RNF123: variants seen among roughly 807,000 people sequenced by gnomAD.
The protein encoded by RNF123 is E3 ubiquitin-protein ligase RNF123.
Under a neutral mutation model 168.5 loss-of-function variants are expected in RNF123, and 86 were observed. The observed-to-expected ratio is 0.51, with a 90% CI of 0.43 to 0.61. The LOEUF (loss-of-function observed/expected upper bound fraction) is 0.61, where lower values mean the gene tolerates loss of function less well. Among genes scored for constraint, RNF123 ranks in the 20% least tolerant of loss-of-function variants. The pLI is 0.00. For synonymous variants in RNF123, 666 were observed against 689.1 expected, an observed-to-expected ratio of 0.97 and a Z score of 0.52; for missense variants, 1,419 against 1,729.7, an observed-to-expected ratio of 0.82 and a Z score of 3.19.
intron 35 of RNF123, chr3:49,716,952 C>G (rs1036669616): frequency 6.2e-6 from 1 of 160,266 alleles, no homozygotes; most frequent in African/African-American, 2.4e-5. Context: ...CCAGACCCCC[C>G]TTCCCTGCCC....
intron 19 of RNF123, 108 bp from the exon 20 acceptor site, chr3:49,702,524 CT>C: frequency 6.2e-7 from 1 of 1,605,414 alleles, no homozygotes; most frequent in East Asian, 2.2e-5. Context: ...CTTTTCTCTG[CT>C]GCTTTTCCCT....
chr3:49,701,418 C>A, intron 15 of RNF123, 73 bp from the exon 16 acceptor site: 1 of 1,178,038 alleles, frequency 8.5e-7, no homozygotes, highest in Non-Finnish European at 1.3e-6. Flanking sequence ...CAGGGATGGG[C>A]TCCTGGGGAA....
chr3:49,714,553 C>T (rs2080204076), intron 31 of RNF123, among the ~76,000 whole-genome samples: 1 of 152,240 alleles, frequency 6.6e-6, no homozygotes, highest in Non-Finnish European at 1.5e-5. Context: ...GCACCATGTC[C>T]TTCTGCTTCT....
intron 26 of RNF123, among the ~76,000 whole-genome samples, chr3:49,709,357 A>G (rs563576418): frequency 3.1e-4 from 46 of 150,286 alleles, no homozygotes; most frequent in Non-Finnish European, 6.0e-4. Context: ...CCGGAGTGCA[A>G]TGGCGCTATC....
intron 35 of RNF123, chr3:49,717,923 G>C (rs765755012): frequency 1.3e-6 from 2 of 1,592,476 alleles, no homozygotes; most frequent in Non-Finnish European, 1.7e-6. Flanking sequence ...AAGAGGGTGG[G>C]GGCCTGGGTG....
At chr3:49,703,183 C>A (rs913239575) in intron 20 of RNF123, among the ~76,000 whole-genome samples, 1 of 152,184 alleles carries the variant, frequency 6.6e-6, no homozygotes, top group Non-Finnish European at 1.5e-5. Flanking sequence ...GAACGGCTGC[C>A]ATGAGTACCC....
chr3:49,693,378 T>A (rs9872539), intron 3 of RNF123, among the ~76,000 whole-genome samples: 38 of 88,290 alleles, frequency 4.3e-4, no homozygotes, highest in Non-Finnish European at 6.4e-4. Context: ...TTTTTTGAGA[T>A]GGAGTTTTGC....
intron 35 of RNF123, chr3:49,717,578 T>G: frequency 1.5e-5 from 4 of 268,494 alleles, no homozygotes; most frequent in South Asian, 4.9e-5. Context: ...GCTACAGGGG[T>G]TCTTCCACAG....
intron 18 of RNF123, 76 bp downstream of exon 18, chr3:49,702,220 G>A (rs2054416610): frequency 6.3e-7 from 1 of 1,590,690 alleles, no homozygotes; most frequent in Non-Finnish European, 8.6e-7. Context: ...CCCAGAGGGT[G>A]GGAACTGGGT....
At chr3:49,715,366 G>C in intron 31 of RNF123, 1 of 619,136 alleles carries the variant, frequency 1.6e-6, no homozygotes, top group East Asian at 2.8e-5. Flanking sequence ...GCTGCAGCCT[G>C]GGGCTTGCCT....
chr3:49,701,510 G>C lies in RNF123; in HGVS notation c.1297G>C (p.Val433Leu). The C allele has an allele frequency of 6.2e-7, 1 of 1,613,728 alleles. No individual in the cohort carries two copies. Among genetic ancestry groups the C allele is most frequent in the Non-Finnish European group, 8.5e-7 (1 of 1,179,980 alleles). The change falls in exon 16 of 39, where the codon GTC becomes CTC. Residue 433 changes from valine (V) to leucine (L), a missense_variant. This residue lies in a region of RNF123 where 349 missense variants were observed against 344.9 expected (regional missense o/e 1.01). Transcript: ENST00000327697. ...CGCCAGCTTCGACGTGCTCCGCTCC[G>C]TCGTCTTCTTTTACATCAAGAGCCC... Reference protein sequence around the residue: ...SNVLFDVLRSVVFFYIKSPLR... With the variant: ...SNVLFDVLRSLVFFYIKSPLR...
At chr3:49,703,280 G>A in intron 20 of RNF123, 147 bp from the exon 21 acceptor site, 2 of 654,918 alleles carry the variant, frequency 3.1e-6, no homozygotes, top group Non-Finnish European at 5.5e-6. Flanking sequence ...TCTTGGTCCA[G>A]GAGACAGTTT....
In RNF123 at chr3:49,697,376, G is replaced by T; in HGVS notation, c.261G>T (p.Gly87=). ...EEEESQGQVE[G]RLGPSTVVLD... is the part of the protein sequence containing the mutation. Reference sequence around the variant, plus strand: ...TCCTCTTTTCAGGACAGGTTGAAGGGCGGCTTGGCCCATCCACTGTGGTCC... The same window carrying T: ...TCCTCTTTTCAGGACAGGTTGAAGGTCGGCTTGGCCCATCCACTGTGGTCC... The change falls in exon 5 of 39, where the codon GGG becomes GGT. Residue 87 remains glycine (G), a synonymous_variant. Coordinates refer to ENST00000327697, the MANE Select transcript of RNF123 (RefSeq NM_022064.5). 1 of 1,608,386 alleles carries T rather than the reference G, an allele frequency of 6.2e-7. No individual in the cohort carries two copies. Among genetic ancestry groups the T allele is most frequent in the Non-Finnish European group, 8.5e-7 (1 of 1,176,462 alleles).
intron 19 of RNF123, 59 bp downstream of exon 19, chr3:49,702,464 C>T: frequency 6.3e-7 from 1 of 1,595,488 alleles, no homozygotes; most frequent in African/African-American, 1.3e-5. Context: ...CATGCCATGC[C>T]CTCAGCACCT....
In RNF123 at chr3:49,721,365, C is replaced by G; in HGVS notation, c.*60C>G. 2 of 1,610,178 alleles carry G rather than the reference C, an allele frequency of 1.2e-6. No individual in the cohort carries two copies. Among genetic ancestry groups the G allele is most frequent in the South Asian group, 1.1e-5 (1 of 90,804 alleles). ...TTTGAACCCAGAGCCAGGCTGGGCC[C>G]TATTTATGAGCTCCCTTTGCCCTTC... is the stretch of plus-strand genomic sequence containing the variant. On this transcript the variant is annotated 3_prime_UTR_variant, in exon 39 of 39. Coordinates refer to ENST00000327697, the MANE Select transcript of RNF123 (RefSeq NM_022064.5).
In RNF123 at chr3:49,721,029, G is replaced by A. The variant is rs540925580; in HGVS notation, c.3748G>A (p.Glu1250Lys). Residue 1250 changes from glutamate (E) to lysine (K), a missense_variant, in exon 38 of 39, where the codon GAG becomes AAG. Transcript: ENST00000327697. ...ACTCTCCTCCCTGCAGCCCACCAGT[G>A]AGGAGGACCTCTGCCCCATCTGCTA... ...QAAAASLPTS[E>K]EDLCPICYAH... 2 of 1,612,308 alleles carry A rather than the reference G, an allele frequency of 1.2e-6. 1 individual carries two copies. Among genetic ancestry groups the A allele is most frequent in the South Asian group, 2.2e-5 (2 of 90,918 alleles).
At chr3:49,701,719 G>A (rs1308255481) in intron 16 of RNF123, 92 bp from the exon 17 acceptor site, 23 of 1,464,616 alleles carry the variant, frequency 1.6e-5, no homozygotes, top group Non-Finnish European at 2.0e-5. Flanking sequence ...GGTCCCTGAA[G>A]CCCTGGAGAT....
rs779466561 is a variant in RNF123, at chr3:49,702,682, G to A, written c.1679G>A (p.Arg560Gln). 9 of 1,614,062 alleles carry A rather than the reference G, an allele frequency of 5.6e-6. No individual in the cohort carries two copies. The Admixed American group carries it at 1.2e-4, about 21-fold the overall frequency. The change falls in exon 20 of 39, where the codon CGG becomes CAG. Residue 560 changes from arginine to glutamine, a missense_variant. Physicochemically the swap from Arg to Gln is conservative, Grantham distance 43 (BLOSUM62 1). Around this residue, in one of 5 missense-constraint regions of RNF123, gnomAD observed 349 missense variants for 344.9 expected, o/e 1.01. Coordinates refer to ENST00000327697, the MANE Select transcript of RNF123 (RefSeq NM_022064.5). ...PPEYMVCFLH[R>Q]LISALRYYWD... ...GAGTACATGGTCTGCTTCTTACACC[G>A]GCTGATCTCTGCCCTGCGCTACTAT... is the stretch of plus-strand genomic sequence containing the variant.
In RNF123 at chr3:49,702,620, C is replaced by G. The variant is rs746147230; in HGVS notation, c.1630-13C>G. 1 of 1,614,248 alleles carries G rather than the reference C, an allele frequency of 6.2e-7. No individual in the cohort carries two copies. Among genetic ancestry groups the G allele is most frequent in the Non-Finnish European group, 8.5e-7 (1 of 1,180,046 alleles). On this transcript the variant is annotated splice_polypyrimidine_tract_variant and intron_variant, in intron 19 of 38. Transcript: ENST00000327697. ...ACTGGCACCAATGCATGTTTCATGC[C>G]TGGTGTCCACAGAACATGCCCATGC...
Sources: gnomAD v4.1 joint callset for allele counts (sites outside exome capture counted in the v4.1 genomes callset) on GRCh38, gnomAD v4.1.1 for gene constraint, gnomAD v4.1.1 regional missense constraint, MANE v1.5 for transcripts, NCBI Gene and HGNC (gene_info 2026-07-23, HGNC 2026-07-21) for gene names.